SLC44A5: variants seen among roughly 807,000 people sequenced by gnomAD.
SLC44A5 encodes the protein solute carrier family 44 member 5, also known as choline transporter-like protein 5.
Under a neutral mutation model 101.8 loss-of-function variants are expected in SLC44A5, and 57 were observed. The ratio of observed to expected loss-of-function variants is 0.56; its 90% confidence interval spans 0.45 to 0.70. The LOEUF is 0.70. Ranked by LOEUF, SLC44A5 falls within the 30% of genes least tolerant of loss-of-function variation. SLC44A5 has a pLI of 0.00. For synonymous variants in SLC44A5, 281 were observed against 290.9 expected, an observed-to-expected ratio of 0.97 and a Z score of 0.35; for missense variants, 737 against 853.1, an observed-to-expected ratio of 0.86 and a Z score of 1.70.
chr1:75,673,406 A>G, the SLC44A5 span, among the ~76,000 whole-genome samples: 1 of 151,722 alleles, frequency 6.6e-6, no homozygotes, highest in Admixed American at 6.6e-5. Flanking sequence ...AGTAGAATAG[A>G]CCACCAGGTA....
At chr1:75,487,013 G>A (rs1668187051) in intron 2 of SLC44A5, among the ~76,000 whole-genome samples, 2 of 152,194 alleles carry the variant, frequency 1.3e-5, no homozygotes, top group South Asian at 2.1e-4. Context: ...TATTGTAAAT[G>A]TGCAGTGACT....
chr1:75,234,149 T>C (rs1360766799), intron 11 of SLC44A5, 51 bp from the exon 12 acceptor site: 1 of 1,254,772 alleles, frequency 8.0e-7, no homozygotes, highest in Admixed American at 2.0e-5. Context: ...AAACACAGCA[T>C]ATTACAAACA....
In SLC44A5 at chr1:75,345,300, T is replaced by G. The variant is rs75356829; in HGVS notation, c.53-5670A>C. Reference sequence around the variant, plus strand: ...CATATTGGTGAATAAAAACTGGGTATCAAATTAACTGGTATAAAATGTTAT... The same window carrying G: ...CATATTGGTGAATAAAAACTGGGTAGCAAATTAACTGGTATAAAATGTTAT... On this transcript the variant is annotated intron_variant, in intron 3 of 23. Transcript: ENST00000370859. 8.8e-3 allele frequency among the ~76,000 whole-genome samples: 1,338 copies of G among 152,230 alleles called. 23 individuals are homozygous for G. The highest frequency in any genetic ancestry group is 0.031 in the African/African-American group (1,280 of 41,560).
chr1:75,409,275 C>T (rs887941454), intron 2 of SLC44A5, among the ~76,000 whole-genome samples: 2 of 152,088 alleles, frequency 1.3e-5, no homozygotes, highest in Non-Finnish European at 2.9e-5. Flanking sequence ...TGTTTAGTAC[C>T]CTGAATATAT....
At chr1:75,619,079 A>AGGGG in the SLC44A5 span, among the ~76,000 whole-genome samples, 1 of 96,548 alleles carries the variant, frequency 1.0e-5, no homozygotes, top group Admixed American at 1.2e-4. Context: ...TCAAAAAAAA[A>AGGGG]GGGGGGGGGG....
intron 6 of SLC44A5, among the ~76,000 whole-genome samples, chr1:75,271,707 A>C (rs538786594): frequency 6.6e-6 from 1 of 151,838 alleles, no homozygotes; most frequent in Non-Finnish European, 1.5e-5. Flanking sequence ...TTCTTTATCC[A>C]CTTGTTGGCT....
intron 1 of SLC44A5, among the ~76,000 whole-genome samples, chr1:75,556,726 C>G (rs1197109536): frequency 6.6e-6 from 1 of 152,132 alleles, no homozygotes; most frequent in Non-Finnish European, 1.5e-5. Context: ...ATAGGCAATT[C>G]AGGTCTGTTT....
intron 2 of SLC44A5, among the ~76,000 whole-genome samples, chr1:75,530,210 A>G (rs1447708268): frequency 6.6e-6 from 1 of 152,186 alleles, no homozygotes; most frequent in East Asian, 1.9e-4. Context: ...AGGGAAAAAC[A>G]TGAAAATTAT....
chr1:75,553,864 G>A (rs1166900293), intron 1 of SLC44A5, among the ~76,000 whole-genome samples: 4 of 151,756 alleles, frequency 2.6e-5, no homozygotes, highest in African/African-American at 9.7e-5. Flanking sequence ...TTCACTACCA[G>A]TAAGGAATCC....
chr1:75,441,495 GA>G (rs1225047033), intron 2 of SLC44A5, among the ~76,000 whole-genome samples: 7 of 139,204 alleles, frequency 5.0e-5, no homozygotes, highest in African/African-American at 7.9e-5. Flanking sequence ...AAAAGTCAAG[GA>G]AAAAAAAAAC....
At chr1:75,268,332 G>T (rs74096315) in intron 6 of SLC44A5, among the ~76,000 whole-genome samples, 1 of 152,020 alleles carries the variant, frequency 6.6e-6, no homozygotes, top group Non-Finnish European at 1.5e-5. Context: ...CCCTCACCCC[G>T]TAACCACAAG....
chr1:75,432,592 A>T (rs1398007742), intron 2 of SLC44A5, among the ~76,000 whole-genome samples: 1 of 152,196 alleles, frequency 6.6e-6, no homozygotes, highest in African/African-American at 2.4e-5. Flanking sequence ...AATGGTCTAC[A>T]TGGCAAGTAA....
chr1:75,358,791 G>C (rs972230807), intron 3 of SLC44A5, among the ~76,000 whole-genome samples: 1 of 152,070 alleles, frequency 6.6e-6, no homozygotes, highest in African/African-American at 2.4e-5. Flanking sequence ...ATACAATGTA[G>C]AATGATTCAA....
At chr1:75,476,352 A>C (rs908974523) in intron 2 of SLC44A5, among the ~76,000 whole-genome samples, 1 of 152,126 alleles carries the variant, frequency 6.6e-6, no homozygotes, top group African/African-American at 2.4e-5. Flanking sequence ...CTGCATTTCT[A>C]TCTGAGGTAC....
intron 2 of SLC44A5, among the ~76,000 whole-genome samples, chr1:75,435,917 A>C (rs1664863642): frequency 6.6e-6 from 1 of 151,898 alleles, no homozygotes; most frequent in Non-Finnish European, 1.5e-5. Flanking sequence ...AACTACTACA[A>C]CCTGATCTAA....
upstream of SLC44A5, among the ~76,000 whole-genome samples, chr1:75,612,492 G>A (rs1245235199): frequency 2.0e-5 from 3 of 152,058 alleles, no homozygotes; most frequent in East Asian, 1.9e-4. Context: ...CTTGTTTCCC[G>A]ACACAAATGC....
At chr1:75,309,065 A>T (rs577955014) in intron 4 of SLC44A5, among the ~76,000 whole-genome samples, 221 of 152,284 alleles carry the variant, frequency 1.5e-3, no homozygotes, top group Non-Finnish European at 2.6e-3. Context: ...TGTAGTAAAA[A>T]TTTATTTATA....
chr1:75,505,778 A>G (rs1002868916), intron 2 of SLC44A5, among the ~76,000 whole-genome samples: 3 of 152,084 alleles, frequency 2.0e-5, no homozygotes, highest in Non-Finnish European at 2.9e-5. Context: ...CATAGTTGCA[A>G]ATATTTTCTC....
At chr1:75,668,822 C>T in the SLC44A5 span, among the ~76,000 whole-genome samples, 1 of 151,182 alleles carries the variant, frequency 6.6e-6, no homozygotes, top group Non-Finnish European at 1.5e-5. Context: ...TGGCAAAACC[C>T]CATCTCTATT....
Sources: gnomAD v4.1 joint callset for allele counts (sites outside exome capture counted in the v4.1 genomes callset) on GRCh38, gnomAD v4.1.1 for gene constraint, MANE v1.5 for transcripts, NCBI Gene and HGNC (gene_info 2026-07-23, HGNC 2026-07-21) for gene names.